The following DNAH7 variants were observed in gnomAD, a reference collection of about 807,000 sequenced individuals.
The protein encoded by DNAH7 is axonemal beta dynein heavy chain 7.
A neutral mutation model predicts 444.6 loss-of-function variants in DNAH7; 397 were observed. That is an observed-to-expected ratio of 0.89 (90% CI 0.82 to 0.97). The LOEUF (loss-of-function observed/expected upper bound fraction) is 0.97, where lower values mean the gene tolerates loss of function less well. Ranked by LOEUF, DNAH7 falls within the 50% of genes least tolerant of loss-of-function variation. DNAH7 has a pLI of 0.00. For synonymous variants in DNAH7, 1,636 were observed against 1,624.4 expected, an observed-to-expected ratio of 1.01 and a Z score of -0.17; for missense variants, 4,902 against 4,800.8, an observed-to-expected ratio of 1.02 and a Z score of -0.62.
chr2:196,044,138 A>C (rs145610767), intron 5 of DNAH7, among the ~76,000 whole-genome samples: 159 of 151,804 alleles, frequency 1.0e-3, no homozygotes, highest in Non-Finnish European at 6.0e-4. Flanking sequence ...AATTGTAAAA[A>C]TATGGAACCA....
rs1186431723 is a variant in DNAH7, at chr2:195,853,390, A to G, written c.8734T>C (p.Ser2912Pro). The stretch of plus-strand genomic sequence containing the variant: ...GCTCCGAGGTAAGCAACCACTCCGG[A>G]GGAAATGAGGATATCCCCAGTCAAG... Reference protein sequence around the residue: ...INLTGDILISSGVVAYLGAFT... With the variant: ...INLTGDILISPGVVAYLGAFT... The change falls in exon 46 of 65, where the codon TCC becomes CCC. Residue 2912 changes from serine (S) to proline (P), a missense_variant. Ser to Pro is a moderately conservative substitution (Grantham distance 74, BLOSUM62 -1). Transcript: ENST00000312428. 5 of 1,614,070 alleles carry G rather than the reference A, an allele frequency of 3.1e-6. No individual in the cohort carries two copies. Among genetic ancestry groups the G allele is most frequent in the Non-Finnish European group, 4.2e-6 (5 of 1,179,982 alleles).
Position 195,796,680 on chromosome 2 carries a change from C to T in DNAH7, c.10411G>A (p.Ala3471Thr). 1 of 1,614,172 alleles carries T rather than the reference C, an allele frequency of 6.2e-7. No homozygotes were observed. The change falls in exon 56 of 65, where the codon GCT (alanine) becomes ACT (threonine). Residue 3471 changes from alanine (A) to threonine (T), a missense_variant. Physicochemically the swap from Ala to Thr is moderately conservative, Grantham distance 58. Transcript: ENST00000312428. ...LSLGQGQGPI[A>T]MKMLEKAVKE... ...ACAGCTTTTTCTAACATCTTCATAGCAATGGGCCCTTGGCCTTGACCAAGA... is the reference window on the plus strand; with the variant it reads ...ACAGCTTTTTCTAACATCTTCATAGTAATGGGCCCTTGGCCTTGACCAAGA...
At chr2:195,922,236 T>G (rs776838708) in intron 23 of DNAH7, 39 bp from the exon 24 acceptor site, 4 of 1,189,516 alleles carry the variant, frequency 3.4e-6, no homozygotes, top group Non-Finnish European at 5.0e-6. Flanking sequence ...AACAATAAAA[T>G]TGTAAATAAT....
chr2:195,938,081 G>C (rs887247497), intron 19 of DNAH7, among the ~76,000 whole-genome samples: 1 of 151,984 alleles, frequency 6.6e-6, no homozygotes, highest in African/African-American at 2.4e-5. Flanking sequence ...TTATTCAATT[G>C]CAGGAGTCTC....
At chr2:195,872,536 A>G in intron 39 of DNAH7, 67 bp from the exon 40 acceptor site, 1 of 1,071,248 alleles carries the variant, frequency 9.3e-7, no homozygotes, top group Non-Finnish European at 1.3e-6. Flanking sequence ...CACAAAAAGG[A>G]TATTTAGCAG....
intron 8 of DNAH7, among the ~76,000 whole-genome samples, chr2:196,023,661 G>A (rs1695513082): frequency 6.6e-6 from 1 of 152,266 alleles, no homozygotes; most frequent in Middle Eastern, 3.4e-3. Context: ...TCAGCAATAA[G>A]GCTGTTTCAC....
Position 195,809,807 on chromosome 2 carries a change from CAA to C in DNAH7, c.9824_9825del (p.Phe3275Ter). ...AAGGAAAAGAGCAGCTTATCCTTTT[CAA>C]AGAGTGACCGGCAGACATTAACATA... ...SLYVNVCRSL[F>X]EKDKLLFSFC... On this transcript the variant is annotated frameshift_variant, in exon 52 of 65. Transcript: ENST00000312428. LOFTEE classifies it high-confidence loss of function. The C allele has an allele frequency of 6.2e-7, 1 of 1,600,210 alleles. No individual in the cohort carries two copies.
At position 195,745,001 on chromosome 2, in the gene DNAH7, C is replaced by T. The variant is rs530609553; in HGVS notation, c.11765-4132G>A. ...TCACCAGCAACGGAACAGAGCTGGA[C>T]GGAGAATGACTTTGACGAGCTGAGA... is the stretch of plus-strand genomic sequence containing the variant. On this transcript the variant is annotated intron_variant, in intron 63 of 64. Transcript: ENST00000312428. 5.3e-4 allele frequency among the ~76,000 whole-genome samples: 80 copies of T among 152,294 alleles called. 1 individual carries two copies. The South Asian group carries it at 0.011, about 21-fold the overall frequency.
At chr2:195,807,810 G>C (rs1057474939) in intron 53 of DNAH7, among the ~76,000 whole-genome samples, 4 of 152,152 alleles carry the variant, frequency 2.6e-5, no homozygotes, top group African/African-American at 7.2e-5. Context: ...TTTTAAATTA[G>C]TTGAGGTACT....
At chr2:196,004,287 C>T (rs73042575) in intron 10 of DNAH7, among the ~76,000 whole-genome samples, 10,325 of 152,132 alleles carry the variant, frequency 0.068, 471 homozygotes, top group African/African-American at 0.13. Flanking sequence ...TTGCAATAGG[C>T]TATATGGGAG....
rs755921385 is a variant in DNAH7 at position 195,960,476 on chromosome 2, C to G, written c.2675G>C (p.Ser892Thr). ...EPYIDRFEGISEAASKEYSLE... is the reference protein window; with the variant it reads ...EPYIDRFEGITEAASKEYSLE... ...AGAATATTCTTTGCTAGCTGCTTCA[C>G]TAATACCTTCAAATCGGTCTATATA... The change falls in exon 18 of 65, where the codon AGT (serine) becomes ACT (threonine). Residue 892 changes from serine to threonine, a missense_variant. Transcript: ENST00000312428. 6.2e-7 allele frequency: 1 copy of G among 1,614,170 alleles called. No individual in the cohort carries two copies.
At chr2:195,776,019 A>C (rs773933730) in intron 59 of DNAH7, 36 bp from the exon 60 acceptor site, 1 of 1,606,372 alleles carries the variant, frequency 6.2e-7, no homozygotes, top group Non-Finnish European at 8.5e-7. Context: ...AGGAGGTTAG[A>C]AATCAATTAC....
chr2:195,967,275 C>CT (rs572939409), intron 17 of DNAH7, among the ~76,000 whole-genome samples: 3 of 150,098 alleles, frequency 2.0e-5, no homozygotes, highest in African/African-American at 7.4e-5. Flanking sequence ...TGCTTTTTAA[C>CT]TTTTTTTGTT....
At chr2:195,791,788 C>T (rs1001484343) in intron 57 of DNAH7, among the ~76,000 whole-genome samples, 2 of 152,146 alleles carry the variant, frequency 1.3e-5, no homozygotes, top group African/African-American at 4.8e-5. Context: ...TATCCTAAGA[C>T]AGTTAATGCA....
chr2:195,894,938 C>A lies in DNAH7; in HGVS notation c.4896+38G>T. 2.0e-6 allele frequency: 3 copies of A among 1,532,812 alleles called. No individual in the cohort carries two copies. In the South Asian group the frequency reaches 3.9e-5, roughly 20 times the overall value. 95.0% of individuals were successfully genotyped at this position (1,532,812 alleles called of 1,614,324 possible). ...TGGTACATTCTACCTTGCACAAAGT[C>A]AATTATAAATAAATTAATGCATTAA... is the stretch of plus-strand genomic sequence containing the variant. On this transcript the variant is annotated intron_variant, in intron 30 of 64. Transcript: ENST00000312428.
In DNAH7 at chr2:195,750,674, A is replaced by C. The variant is rs576418886; in HGVS notation, c.11764+3663T>G. Among the ~76,000 whole-genome samples the C allele has an allele frequency of 1.2e-3, 183 of 152,304 alleles. 2 individuals carry two copies. Among genetic ancestry groups the C allele is most frequent in the African/African-American group, 4.2e-3 (174 of 41,556 alleles). On this transcript the variant is annotated intron_variant, in intron 63 of 64. Transcript: ENST00000312428. ...TTAGCTGTGAGACCTTCAGCAAGTT[A>C]CTTAACCCCCCTGAGCCTTAGTTTC... is the stretch of plus-strand genomic sequence containing the variant.
chr2:195,762,357 C>T (rs1477221596), intron 61 of DNAH7, among the ~76,000 whole-genome samples: 1 of 151,930 alleles, frequency 6.6e-6, no homozygotes, highest in Non-Finnish European at 1.5e-5. Context: ...AACAAAATGG[C>T]GGGAGTAAGT....
rs528423977 is a variant in DNAH7, at chr2:195,895,087, T to C, written c.4785A>G (p.Val1595=). ...CATGACGCACAATCATCATTTCATA[T>C]ACTTGAAGAATCTTCTCGGAAAAGA... is the stretch of plus-strand genomic sequence containing the variant. ...TAFFSEKILQ[V]YEMMIVRHGF... is the part of the protein sequence containing the mutation. The change falls in exon 30 of 65, where the codon GTA becomes GTG. Residue 1595 remains valine (V), a synonymous_variant. Coordinates refer to ENST00000312428, the MANE Select transcript of DNAH7 (RefSeq NM_018897.3). The C allele has an allele frequency of 1.2e-6, 2 of 1,613,706 alleles. No homozygotes were observed. The highest frequency in any genetic ancestry group is 2.2e-5 in the East Asian group (1 of 44,782).
intron 61 of DNAH7, among the ~76,000 whole-genome samples, chr2:195,759,858 G>T (rs1694267073): frequency 6.6e-6 from 1 of 151,884 alleles, no homozygotes; most frequent in Non-Finnish European, 1.5e-5. Flanking sequence ...AAAAAAAATT[G>T]TAGAGATGGT....
Sources: gnomAD v4.1 joint callset for allele counts (sites outside exome capture counted in the v4.1 genomes callset) on GRCh38, gnomAD v4.1.1 for gene constraint, MANE v1.5 for transcripts, NCBI Gene and HGNC (gene_info 2026-07-23, HGNC 2026-07-21) for gene names.